ADGRL1: variants seen among roughly 807,000 people sequenced by gnomAD.
The protein encoded by ADGRL1 is CIRL-1.
ADGRL1 carries 31 observed loss-of-function variants against 148.9 expected under a neutral mutation model. That is an observed-to-expected ratio of 0.21 (90% CI 0.16 to 0.28). ADGRL1 has a LOEUF of 0.28. Among genes scored for constraint, ADGRL1 ranks in the 10% least tolerant of loss-of-function variants. The pLI, the probability that ADGRL1 is intolerant of heterozygous loss-of-function variation, is 1.00. For synonymous variants in ADGRL1, 937 were observed against 900.3 expected, an observed-to-expected ratio of 1.04 and a Z score of -0.73; for missense variants, 1,521 against 2,058.8, an observed-to-expected ratio of 0.74 and a Z score of 5.05.
intron 4 of ADGRL1, among the ~76,000 whole-genome samples, chr19:14,164,115 C>T (rs1312073272): frequency 4.6e-5 from 7 of 151,398 alleles, no homozygotes; most frequent in African/African-American, 7.3e-5. Flanking sequence ...CCAGTACCCA[C>T]GAAGTCAGTA....
At chr19:14,188,029 C>T (rs11666830) in intron 1 of ADGRL1, among the ~76,000 whole-genome samples, 8,295 of 151,996 alleles carry the variant, frequency 0.055, 329 homozygotes, top group Middle Eastern at 0.088. Context: ...CAGGAGTTTG[C>T]AAGGCTGCAG....
rs760218396 is a variant in ADGRL1, at chr19:14,161,514, C to T, written c.1308G>A (p.Thr436=). The change falls in exon 6 of 23, where the codon ACG becomes ACA. Residue 436 remains threonine (T), a synonymous_variant. Coordinates refer to ENST00000361434, the MANE Select transcript of ADGRL1 (RefSeq NM_014921.5). The surrounding 1 kb of genome is among the most constrained non-coding windows in gnomAD (Gnocchi z 4.4). ...TTPLRRAPLT[T]HPVGAINQLG... The stretch of plus-strand genomic sequence containing the variant: ...GCTGGTTGATGGCACCCACTGGGTG[C>T]GTGGTGAGGGGTGCCCGGCGGAGCG... 2.4e-5 allele frequency: 35 copies of T among 1,436,952 alleles called. No homozygotes were observed. The highest frequency in any genetic ancestry group is 3.0e-5 in the South Asian group (2 of 66,642). The allele number at this position is 1,436,952 out of a possible 1,614,324, so 89.0% of individuals were successfully genotyped here.
rs774782669 is a variant in ADGRL1, at chr19:14,157,340, C to G, written c.2656G>C (p.Asp886His). 4 of 1,614,038 alleles carry G rather than the reference C, an allele frequency of 2.5e-6. No homozygotes were observed. The highest frequency in any genetic ancestry group is 3.4e-6 in the Non-Finnish European group (4 of 1,180,032). ...TFCFLRGLQT[D>H]RNTIHKNLCI... ...AGGTTCTTGTGGATGGTGTTGCGGTCGGTCTGCAGCCCCCGCAGGAAGCAG... is the reference window on the plus strand; with the variant it reads ...AGGTTCTTGTGGATGGTGTTGCGGTGGGTCTGCAGCCCCCGCAGGAAGCAG... The change falls in exon 14 of 23, where the codon GAC (aspartate) becomes CAC (histidine). Residue 886 changes from aspartate to histidine, a missense_variant. Physicochemically the swap from Asp to His is moderately conservative, Grantham distance 81. Transcript: ENST00000361434. This position sits in a 1 kb window ranked among gnomAD's most constrained non-coding sequence, Gnocchi z 7.5.
intron 4 of ADGRL1, among the ~76,000 whole-genome samples, chr19:14,167,769 C>CG (rs1004748096): frequency 1.9e-4 from 22 of 117,100 alleles, no homozygotes; most frequent in African/African-American, 6.7e-4. Context: ...AGAGAGGTGG[C>CG]GGGGGTGGGG....
Position 14,152,804 on chromosome 19 carries a change from G to C in ADGRL1, c.3403C>G (p.Arg1135Gly), listed in dbSNP as rs201146355. ...GATACCTGGGTCCCTGTGTAGTAGC[G>C]GGTGTTGCTTCGCATGGCTGAGGTC... The part of the protein sequence containing the change: ...LKTSAMRSNT[R>G]YYTGTQSRIR... The change falls in exon 19 of 23, where the codon CGC (arginine) becomes GGC (glycine). Residue 1135 changes from arginine to glycine, a missense_variant. Physicochemically the swap from Arg to Gly is moderately radical, Grantham distance 125. Around this residue, in one of 8 missense-constraint regions of ADGRL1, gnomAD observed 185 missense variants for 251.7 expected, o/e 0.74. Coordinates refer to ENST00000361434, the MANE Select transcript of ADGRL1 (RefSeq NM_014921.5). This position sits in a 1 kb window ranked among gnomAD's most constrained non-coding sequence, Gnocchi z 6.1. The C allele has an allele frequency of 1.2e-6, 2 of 1,614,110 alleles. No homozygotes were observed. Among genetic ancestry groups the C allele is most frequent in the Non-Finnish European group, 1.7e-6 (2 of 1,179,998 alleles).
rs193094696 is a variant in ADGRL1 at position 14,179,245 on chromosome 19, A to G, written c.71-1501T>C. The stretch of plus-strand genomic sequence containing the variant: ...CACGGTGGCTCACGCCTATAATCCC[A>G]GCACTTTGAGAGGCCAGGGTGGGCA... On this transcript the variant is annotated intron_variant, in intron 2 of 22. Coordinates refer to ENST00000361434, the MANE Select transcript of ADGRL1 (RefSeq NM_014921.5). Among the ~76,000 whole-genome samples, 22 of 152,172 alleles carry G rather than the reference A, an allele frequency of 1.4e-4. No individual in the cohort carries two copies. The East Asian group carries it at 4.3e-3, about 29-fold the overall frequency.
Position 14,152,464 on chromosome 19 carries a change from G to A in ADGRL1, c.3521-27C>T, listed in dbSNP as rs1968310838. On this transcript the variant is annotated intron_variant, in intron 20 of 22. Coordinates refer to ENST00000361434, the MANE Select transcript of ADGRL1 (RefSeq NM_014921.5). The surrounding 1 kb of genome is among the most constrained non-coding windows in gnomAD (Gnocchi z 6.1). ...TGGCCAAAGGATCAGAGGTCACAAGGCAGCCGGGAGCCTCCAGAGACTGAA... is the reference window on the plus strand; with the variant it reads ...TGGCCAAAGGATCAGAGGTCACAAGACAGCCGGGAGCCTCCAGAGACTGAA... 6.2e-7 allele frequency: 1 copy of A among 1,608,082 alleles called. No homozygotes were observed. Among genetic ancestry groups the A allele is most frequent in the Non-Finnish European group, 8.5e-7 (1 of 1,175,398 alleles).
intron 2 of ADGRL1, among the ~76,000 whole-genome samples, chr19:14,183,126 A>G (rs28706075): frequency 8.3e-4 from 126 of 152,106 alleles, no homozygotes; most frequent in African/African-American, 2.6e-3. Context: ...AGTTGTTTTT[A>G]AATAAACGTC....
intron 1 of ADGRL1, among the ~76,000 whole-genome samples, chr19:14,195,009 C>T (rs182326680): frequency 9.9e-5 from 15 of 151,970 alleles, no homozygotes; most frequent in African/African-American, 2.2e-4. Context: ...CTCAGCCTCC[C>T]GAGTAGCTGG....
At chr19:14,184,148 C>T (rs1039087055) in intron 1 of ADGRL1, among the ~76,000 whole-genome samples, 5 of 152,208 alleles carry the variant, frequency 3.3e-5, no homozygotes, top group Non-Finnish European at 7.3e-5. Flanking sequence ...TCCAAGCCCC[C>T]GCCCCCAGCC....
chr19:14,203,627 T>C (rs1228859759), intron 1 of ADGRL1, among the ~76,000 whole-genome samples: 1 of 131,658 alleles, frequency 7.6e-6, no homozygotes, highest in Non-Finnish European at 1.6e-5. Flanking sequence ...CACAGGGTCC[T>C]CCAAGGCCCC....
chr19:14,185,443 G>A (rs979737576), intron 1 of ADGRL1, among the ~76,000 whole-genome samples: 1 of 152,038 alleles, frequency 6.6e-6, no homozygotes, highest in Non-Finnish European at 1.5e-5. Flanking sequence ...ACAGGCTCTC[G>A]CCACCACGCC....
At chr19:14,165,759 T>G in intron 4 of ADGRL1, among the ~76,000 whole-genome samples, 1 of 150,112 alleles carries the variant, frequency 6.7e-6, no homozygotes, top group Non-Finnish European at 1.5e-5. Context: ...CAGGCCTCTC[T>G]GAGATGGGGG....
chr19:14,190,037 C>T (rs763220840), intron 1 of ADGRL1, among the ~76,000 whole-genome samples: 15 of 152,014 alleles, frequency 9.9e-5, no homozygotes, highest in Non-Finnish European at 2.2e-4. Flanking sequence ...AAGCAATTCT[C>T]GTGCCTCAGC....
At chr19:14,189,672 C>T (rs916740337) in intron 1 of ADGRL1, among the ~76,000 whole-genome samples, 7 of 152,184 alleles carry the variant, frequency 4.6e-5, no homozygotes, top group African/African-American at 1.7e-4. Flanking sequence ...ATCCAGTCAT[C>T]GGTAATGGAC....
chr19:14,186,585 A>G (rs566562683), intron 1 of ADGRL1, among the ~76,000 whole-genome samples: 1 of 151,986 alleles, frequency 6.6e-6, no homozygotes, highest in African/African-American at 2.4e-5. Flanking sequence ...GCACCATCCT[A>G]TGTCACCTGT....
chr19:14,189,045 C>T (rs950844481), intron 1 of ADGRL1, among the ~76,000 whole-genome samples: 14 of 152,154 alleles, frequency 9.2e-5, no homozygotes, highest in Non-Finnish European at 1.3e-4. Context: ...AGCCATCGTG[C>T]CCAGCCTCCA....
intron 1 of ADGRL1, among the ~76,000 whole-genome samples, chr19:14,191,880 T>G (rs1235760277): frequency 2.6e-5 from 4 of 152,214 alleles, no homozygotes; most frequent in Admixed American, 6.5e-5. Context: ...ATTTTTTTTG[T>G]AGAGATGGGG....
chr19:14,200,075 C>T (rs1972500148), intron 1 of ADGRL1, among the ~76,000 whole-genome samples: 1 of 152,218 alleles, frequency 6.6e-6, no homozygotes, highest in Admixed American at 6.5e-5. Context: ...GCCATCTCCC[C>T]TGGAGAAGAT....
Sources: allele counts gnomAD v4.1 joint callset (sites outside exome capture counted in the v4.1 genomes callset), GRCh38; gene constraint gnomAD v4.1.1; regional missense constraint gnomAD v4.1.1; non-coding constraint Gnocchi (gnomAD v3.1); transcripts MANE v1.5; gene names NCBI Gene and HGNC (gene_info 2026-07-23, HGNC 2026-07-21).